Variants in HDAC9 observed in about 807,000 individuals in gnomAD.
HDAC9 encodes histone deacetylase 9.
HDAC9 carries 41 observed loss-of-function variants against 139.4 expected under a neutral mutation model. That is an observed-to-expected ratio of 0.29 (90% CI 0.23 to 0.38). The LOEUF is 0.38. HDAC9 is among the 10% of genes least tolerant of loss of function. HDAC9 has a pLI of 1.00. For missense variants in HDAC9, 1,147 were observed against 1,297.0 expected, an observed-to-expected ratio of 0.88 and a Z score of 1.78; for synonymous variants, 517 against 476.2, an observed-to-expected ratio of 1.09 and a Z score of -1.12.
chr7:18,792,682 A>C (rs935110520), intron 16 of HDAC9, among the ~76,000 whole-genome samples: 1 of 152,206 alleles, frequency 6.6e-6, no homozygotes, highest in East Asian at 1.9e-4. Flanking sequence ...AACTGAAACA[A>C]TCTGACAAAT....
chr7:18,255,926 C>T (rs1044201869), intron 2 of HDAC9, among the ~76,000 whole-genome samples: 13 of 152,010 alleles, frequency 8.6e-5, no homozygotes, highest in Admixed American at 2.6e-4. Flanking sequence ...CATGCCTGGC[C>T]CAACATTGAT....
In HDAC9 at chr7:18,255,390, A is replaced by G. The variant is rs557826299; in HGVS notation, c.25+93041A>G. 1.7e-4 allele frequency among the ~76,000 whole-genome samples: 26 copies of G among 152,282 alleles called. No homozygotes were observed. The South Asian group carries it at 5.4e-3, about 32-fold the overall frequency. ...GAAGTTTTTCATTGATTCTTGGAGA[A>G]TGGGAAAAATTTAGTCATGTGACAG... On this transcript the variant is annotated intron_variant, in intron 2 of 12. Transcript: ENST00000417496.
chr7:18,991,420 C>G (rs1035471919), intron 25 of HDAC9, among the ~76,000 whole-genome samples: 13 of 152,128 alleles, frequency 8.5e-5, no homozygotes, highest in African/African-American at 3.1e-4. Context: ...GCGGGCAGAT[C>G]ACGAGGTCAG....
intron 2 of HDAC9, among the ~76,000 whole-genome samples, chr7:18,536,518 G>T (rs1266055639): frequency 6.6e-6 from 1 of 152,170 alleles, no homozygotes; most frequent in African/African-American, 2.4e-5. Flanking sequence ...CCCACATTCA[G>T]TGAGGAAACA....
chr7:18,775,739 A>G (rs1277120287), intron 16 of HDAC9, among the ~76,000 whole-genome samples: 1 of 150,900 alleles, frequency 6.6e-6, no homozygotes, highest in African/African-American at 2.4e-5. Context: ...CCTATCACTT[A>G]GACTCTGCAT....
chr7:18,381,791 A>G (rs1173201904), intron 1 of HDAC9, among the ~76,000 whole-genome samples: 1 of 152,110 alleles, frequency 6.6e-6, no homozygotes, highest in Non-Finnish European at 1.5e-5. Flanking sequence ...CTGACAAGAG[A>G]GTTCTTATTT....
At chr7:18,635,267 C>G (rs1477075549) in intron 8 of HDAC9, among the ~76,000 whole-genome samples, 1 of 151,846 alleles carries the variant, frequency 6.6e-6, no homozygotes, top group Non-Finnish European at 1.5e-5. Context: ...TCCATTTGAA[C>G]TGAAAAGTGA....
intron 12 of HDAC9, among the ~76,000 whole-genome samples, chr7:18,691,868 C>T (rs1009262710): frequency 7.9e-5 from 12 of 151,920 alleles, no homozygotes; most frequent in Admixed American, 2.0e-4. Context: ...GTCATATGAC[C>T]TTGGCATACC....
rs1786291853 is a variant in HDAC9 at position 18,732,762 on chromosome 7, TA to T, written c.1909+5006del. On this transcript the variant is annotated intron_variant, in intron 13 of 25. Coordinates refer to ENST00000686413, the MANE Select transcript of HDAC9 (RefSeq NM_178425.4). ...GTGTGCGTATGTGTACACACACGTG[TA>T]TGTGTGCGTATGTGTACACACACGT... 8.3e-5 allele frequency among the ~76,000 whole-genome samples: 8 copies of T among 96,340 alleles called. 3 individuals are homozygous for T. The highest frequency in any genetic ancestry group is 3.4e-4 in the African/African-American group (6 of 17,668). 63.2% of individuals were successfully genotyped at this position (96,340 alleles called of 152,430 possible).
At chr7:18,354,627 A>G (rs1299759143) in intron 1 of HDAC9, among the ~76,000 whole-genome samples, 1 of 152,166 alleles carries the variant, frequency 6.6e-6, no homozygotes, top group African/African-American at 2.4e-5. Context: ...GAGAAAAAGG[A>G]ACTTAAAAAT....
chr7:18,238,660 T>C (rs1183515404), intron 2 of HDAC9, among the ~76,000 whole-genome samples: 1 of 152,120 alleles, frequency 6.6e-6, no homozygotes, highest in Non-Finnish European at 1.5e-5. Context: ...ATTAGGCTGA[T>C]TGAGGGCAGA....
intron 1 of HDAC9, among the ~76,000 whole-genome samples, chr7:18,449,682 C>T (rs917418092): frequency 1.3e-5 from 2 of 152,100 alleles, no homozygotes; most frequent in Non-Finnish European, 2.9e-5. Context: ...ACAAAAAATA[C>T]TTTCTCCATT....
chr7:18,261,663 A>G (rs919654251), intron 2 of HDAC9, among the ~76,000 whole-genome samples: 1 of 152,236 alleles, frequency 6.6e-6, no homozygotes, highest in Admixed American at 6.5e-5. Context: ...ACAAGCATGG[A>G]TTAGGATAGT....
chr7:18,486,936 TGTATC>T (rs2128131956), intron 1 of HDAC9, among the ~76,000 whole-genome samples: 1 of 152,238 alleles, frequency 6.6e-6, no homozygotes, highest in East Asian at 1.9e-4. Flanking sequence ...TAGATTCATA[TGTATC>T]TATTCAACCA....
At chr7:18,617,316 C>G (rs750293485) in intron 6 of HDAC9, among the ~76,000 whole-genome samples, 1 of 152,138 alleles carries the variant, frequency 6.6e-6, no homozygotes, top group East Asian at 1.9e-4. Context: ...AGCATGATCT[C>G]TGTCTCCTTA....
intron 12 of HDAC9, among the ~76,000 whole-genome samples, chr7:18,726,549 G>C (rs891850402): frequency 2.0e-5 from 3 of 152,060 alleles, no homozygotes; most frequent in African/African-American, 7.2e-5. Context: ...CATGGCAAGA[G>C]AGTATTATGT....
chr7:18,745,571 G>T (rs1480920073), intron 13 of HDAC9, among the ~76,000 whole-genome samples: 9 of 120,246 alleles, frequency 7.5e-5, no homozygotes, highest in African/African-American at 2.6e-4. Context: ...ACGGAGTCTC[G>T]GTCTGTCGCC....
intron 24 of HDAC9, among the ~76,000 whole-genome samples, chr7:18,974,763 G>A (rs1784452219): frequency 6.6e-6 from 1 of 152,184 alleles, no homozygotes; most frequent in South Asian, 2.1e-4. Context: ...CAAGAGACTT[G>A]AGGCATCTCC....
intron 1 of HDAC9, among the ~76,000 whole-genome samples, chr7:18,306,349 C>A (rs1266967724): frequency 6.6e-6 from 1 of 152,154 alleles, no homozygotes; most frequent in African/African-American, 2.4e-5. Context: ...AATGTCTGGC[C>A]AGTGTGTACT....
Sources: allele counts gnomAD v4.1 joint callset (sites outside exome capture counted in the v4.1 genomes callset), GRCh38; gene constraint gnomAD v4.1.1; transcripts MANE v1.5; gene names NCBI Gene and HGNC (gene_info 2026-07-23, HGNC 2026-07-21).